The following STAB2 variants were observed in gnomAD, a reference collection of about 807,000 sequenced individuals.
STAB2 encodes stabilin 2, also known as stabilin-2.
A neutral mutation model predicts 338.1 loss-of-function variants in STAB2; 288 were observed. The observed-to-expected ratio is 0.85, with a 90% CI of 0.77 to 0.94. The LOEUF is 0.94. Among genes scored for constraint, STAB2 ranks in the 40% least tolerant of loss-of-function variants. The pLI, the probability that STAB2 is intolerant of heterozygous loss-of-function variation, is 0.00. For synonymous variants in STAB2, 1,202 were observed against 1,193.3 expected, an observed-to-expected ratio of 1.01 and a Z score of -0.15; for missense variants, 3,141 against 3,210.1, an observed-to-expected ratio of 0.98 and a Z score of 0.52.
chr12:103,720,660 C>A (rs1317485136), intron 44 of STAB2, among the ~76,000 whole-genome samples: 1 of 152,212 alleles, frequency 6.6e-6, no homozygotes, highest in African/African-American at 2.4e-5. Flanking sequence ...GTCCTACCAA[C>A]AAGGACTGTG....
chr12:103,631,618 G>A lies in STAB2; in HGVS notation c.508G>A (p.Val170Met). The change falls in exon 6 of 69, where the codon GTG becomes ATG. Residue 170 changes from valine (V) to methionine (M), a missense_variant. Val to Met is a conservative substitution (Grantham distance 21). Transcript: ENST00000388887. ...TCCAGTGTGCAACTGTGTGCATGGG[G>A]TGTGCAACAGTGGACTAGATGGCGA... ...CSSVCNCVHG[V>M]CNSGLDGDGT... The A allele has an allele frequency of 6.2e-7, 1 of 1,614,178 alleles. No individual in the cohort carries two copies. The highest frequency in any genetic ancestry group is 1.3e-5 in the African/African-American group (1 of 75,014).
At chr12:103,715,763 C>G (rs1029229777) in intron 42 of STAB2, 52 bp from the exon 43 acceptor site, 16 of 1,609,776 alleles carry the variant, frequency 9.9e-6, no homozygotes, top group Non-Finnish European at 1.4e-5. Context: ...GCTGGCTTCA[C>G]TTGGAAACCA....
At chr12:103,728,522 C>T (rs997528496) in intron 47 of STAB2, among the ~76,000 whole-genome samples, 1 of 152,236 alleles carries the variant, frequency 6.6e-6, no homozygotes, top group Admixed American at 6.5e-5. Context: ...CAGTGTTTCC[C>T]AGCATGTTTC....
chr12:103,759,169 A>C lies in STAB2; in HGVS notation c.7144A>C (p.Asn2382His). The change falls in exon 65 of 69, where the codon AAT (asparagine) becomes CAT (histidine). Residue 2382 changes from asparagine to histidine, a missense_variant. Physicochemically the swap from Asn to His is moderately conservative, Grantham distance 68. Coordinates refer to ENST00000388887, the MANE Select transcript of STAB2 (RefSeq NM_017564.10). ...SGRDIEHHLA[N>H]VSMFFYNDLV... ...GCGGGACATCGAGCACCACCTCGCCAATGTCAGCATGTTTTTCTACAATGA... is the reference window on the plus strand; with the variant it reads ...GCGGGACATCGAGCACCACCTCGCCCATGTCAGCATGTTTTTCTACAATGA... The C allele has an allele frequency of 6.2e-7, 1 of 1,614,160 alleles. No homozygotes were observed. Among genetic ancestry groups the C allele is most frequent in the Non-Finnish European group, 8.5e-7 (1 of 1,180,030 alleles).
intron 33 of STAB2, among the ~76,000 whole-genome samples, chr12:103,698,308 A>G (rs1484323368): frequency 2.0e-5 from 3 of 152,084 alleles, no homozygotes; most frequent in African/African-American, 7.2e-5. Context: ...TCCCCACAGG[A>G]TGTTTCTCTT....
At chr12:103,618,350 C>G (rs766114259) in intron 3 of STAB2, among the ~76,000 whole-genome samples, 7 of 152,202 alleles carry the variant, frequency 4.6e-5, no homozygotes, top group South Asian at 2.1e-4. Context: ...GAAAACAGGC[C>G]CTCACCAGAC....
At chr12:103,747,175 C>A (rs1490658845) in intron 58 of STAB2, among the ~76,000 whole-genome samples, 2 of 152,036 alleles carry the variant, frequency 1.3e-5, no homozygotes, top group Non-Finnish European at 1.5e-5. Flanking sequence ...AAAAAAAAAT[C>A]AGAAAATACA....
rs1379158190 is a variant in STAB2 at position 103,648,794 on chromosome 12, G to A, written c.1145G>A (p.Gly382Glu). 3 of 1,614,106 alleles carry A rather than the reference G, an allele frequency of 1.9e-6. No individual in the cohort carries two copies. The highest frequency in any genetic ancestry group is 4.5e-5 in the East Asian group (2 of 44,878). The change falls in exon 10 of 69, where the codon GGA becomes GAA. Residue 382 changes from glycine (G) to glutamate (E), a missense_variant. By Grantham distance (98) the Gly-to-Glu change is moderately conservative. Coordinates refer to ENST00000388887, the MANE Select transcript of STAB2 (RefSeq NM_017564.10). ...LNTEPRGKWQGRLTSFISLLD... is the reference protein window; with the variant it reads ...LNTEPRGKWQERLTSFISLLD... ...ACTGAACCCAGAGGAAAATGGCAAG[G>A]AAGGCTGACCTCTTTCATCTCACTC...
chr12:103,634,922 A>T (rs913526835), intron 6 of STAB2, among the ~76,000 whole-genome samples: 23 of 152,232 alleles, frequency 1.5e-4, no homozygotes, highest in Non-Finnish European at 4.4e-5. Context: ...ATCAGAGTGA[A>T]CTAGTCACGT....
In STAB2 at chr12:103,740,741, G is replaced by A. The variant is rs140409791; in HGVS notation, c.5866G>A (p.Gly1956Arg). Residue 1956 changes from glycine (G) to arginine (R), a missense_variant, in exon 55 of 69, where the codon GGG becomes AGG. Gly to Arg is a moderately radical substitution (Grantham distance 125). Transcript: ENST00000388887. Reference sequence around the variant, plus strand: ...CCCCAGGTGCTGCAAGGGCTACTTCGGGCGAGACTGTCAGGGTGAGGGTGC... The same window carrying A: ...CCCCAGGTGCTGCAAGGGCTACTTCAGGCGAGACTGTCAGGGTGAGGGTGC... The part of the protein sequence containing the change: ...QIPRCCKGYF[G>R]RDCQACPGGP... 34 of 1,586,774 alleles carry A rather than the reference G, an allele frequency of 2.1e-5. No homozygotes were observed. Among genetic ancestry groups the A allele is most frequent in the South Asian group, 3.5e-5 (3 of 86,270 alleles).
At chr12:103,662,805 C>T in intron 17 of STAB2, 41 bp from the exon 18 acceptor site, 1 of 1,607,632 alleles carries the variant, frequency 6.2e-7, no homozygotes, top group Non-Finnish European at 8.5e-7. Flanking sequence ...TCCTGCAGTA[C>T]AGAATAGTAC....
At chr12:103,602,853 C>G (rs1398376536) in intron 3 of STAB2, among the ~76,000 whole-genome samples, 2 of 152,118 alleles carry the variant, frequency 1.3e-5, no homozygotes, top group Non-Finnish European at 2.9e-5. Context: ...TCTTTCCAGT[C>G]TCGTAACATT....
intron 65 of STAB2, 36 bp from the exon 66 acceptor site, chr12:103,761,264 G>A (rs1234281085): frequency 6.3e-7 from 1 of 1,594,310 alleles, no homozygotes; most frequent in South Asian, 1.1e-5. Context: ...CCCACTCGGA[G>A]AGTAAAAGCC....
chr12:103,759,130 C>T lies in STAB2; in HGVS notation c.7108-3C>T, dbSNP rs1300815026. ...GCATTCTGTGTTTCTCCTTTTTTCTCAGACCTTGTCTGGGCGGGACATCGA... is the reference window on the plus strand; with the variant it reads ...GCATTCTGTGTTTCTCCTTTTTTCTTAGACCTTGTCTGGGCGGGACATCGA... On this transcript the variant is annotated splice_polypyrimidine_tract_variant and splice_region_variant and intron_variant, in intron 64 of 68. Transcript: ENST00000388887. 2.5e-6 allele frequency: 4 copies of T among 1,613,722 alleles called. No homozygotes were observed. Among genetic ancestry groups the T allele is most frequent in the African/African-American group, 1.3e-5 (1 of 74,862 alleles).
rs1593168261 is a variant in STAB2, at chr12:103,637,112, C to T, written c.585C>T (p.Pro195=). ...TACTTCAACAATTTTCCTATGCAGC[C>T]ATCCCTGAATGTGCAGCCTTGCTCT... ...SAYTGPKCDK[P]IPECAALLCP... The change falls in exon 7 of 69, where the codon CCC becomes CCT. Residue 195 remains proline (P), a splice_region_variant and synonymous_variant. Coordinates refer to ENST00000388887, the MANE Select transcript of STAB2 (RefSeq NM_017564.10). The T allele has an allele frequency of 6.3e-7, 1 of 1,599,246 alleles. No individual in the cohort carries two copies. Among genetic ancestry groups the T allele is most frequent in the East Asian group, 2.3e-5 (1 of 44,228 alleles).
Position 103,739,526 on chromosome 12 carries a change from CCTGTGT to C in STAB2, c.5754+59_5754+64del. 2.9e-6 allele frequency: 3 copies of C among 1,028,558 alleles called. No individual in the cohort carries two copies. In the South Asian group the frequency reaches 5.5e-5, roughly 19 times the overall value. The allele number at this position is 1,028,558 out of a possible 1,614,324, so 63.7% of individuals were successfully genotyped here. On this transcript the variant is annotated intron_variant, in intron 54 of 68. Coordinates refer to ENST00000388887, the MANE Select transcript of STAB2 (RefSeq NM_017564.10). ...GCCATAGGTCTGTTTCATTATCAGA[CCTGTGT>C]GTGTGTGTGTGTGTGTGTGTGTGTG...
At position 103,689,865 on chromosome 12, in the gene STAB2, C is replaced by T. The variant is rs1018266569; in HGVS notation, c.3065C>T (p.Thr1022Ile). ...RWINNASLQP[T>I]LSATSNLTVL... ...GTTCAGAATGCTTCTCTACAACCCA[C>T]ACTGTCAGCCACCTCAAACCTCACT... The change falls in exon 29 of 69, where the codon ACA becomes ATA. Residue 1022 changes from threonine to isoleucine, a missense_variant. By Grantham distance (89) the Thr-to-Ile change is moderately conservative. Transcript: ENST00000388887. 3.1e-6 allele frequency: 5 copies of T among 1,614,048 alleles called. No individual in the cohort carries two copies. Among genetic ancestry groups the T allele is most frequent in the African/African-American group, 2.7e-5 (2 of 75,044 alleles).
chr12:103,738,514 T>C (rs1035801537), intron 53 of STAB2, among the ~76,000 whole-genome samples: 3 of 152,194 alleles, frequency 2.0e-5, no homozygotes, highest in African/African-American at 4.8e-5. Flanking sequence ...TTGTCACCAG[T>C]TGATATCAGT....
chr12:103,763,202 T>C (rs568476254), intron 67 of STAB2: 67 of 330,192 alleles, frequency 2.0e-4, no homozygotes, highest in Admixed American at 9.6e-4. Context: ...GCAGTTACCC[T>C]GGGTGGCAGG....
Sources: gnomAD v4.1 joint callset for allele counts (sites outside exome capture counted in the v4.1 genomes callset) on GRCh38, gnomAD v4.1.1 for gene constraint, MANE v1.5 for transcripts, NCBI Gene and HGNC (gene_info 2026-07-23, HGNC 2026-07-21) for gene names.